ZMAT1: variants seen among roughly 807,000 people sequenced by gnomAD.
ZMAT1 encodes the protein zinc finger matrin-type protein 1.
Under a neutral mutation model 18.5 loss-of-function variants are expected in ZMAT1, and 11 were observed. That is an observed-to-expected ratio of 0.59 (90% confidence interval 0.37 to 0.98). ZMAT1 has a LOEUF of 0.98. ZMAT1 is among the 50% of genes least tolerant of loss of function. ZMAT1 has a pLI of 0.01. For missense variants in ZMAT1, 525 were observed against 496.2 expected (o/e 1.06, Z -0.55); for synonymous variants, 211 against 176.4 (o/e 1.20, Z -1.55).
intron 4 of ZMAT1, among the ~76,000 whole-genome samples, chrX:101,897,544 T>C (rs1472046869): frequency 1.3e-5 from 1 of 78,918 alleles, no homozygotes; most frequent in Non-Finnish European, 2.5e-5. Flanking sequence ...AGTGTCTATC[T>C]AAAAAAAAAA....
intron 4 of ZMAT1, among the ~76,000 whole-genome samples, chrX:101,893,157 T>G (rs999544959): frequency 9.9e-5 from 11 of 111,458 alleles, no homozygotes; most frequent in African/African-American, 3.6e-4. Flanking sequence ...AGATGATAAT[T>G]TCACCAAAAT....
At chrX:101,922,447 G>T (rs1202708480) in intron 1 of ZMAT1, among the ~76,000 whole-genome samples, 1 of 108,368 alleles carries the variant, frequency 9.2e-6, no homozygotes, top group Non-Finnish European at 1.9e-5. Context: ...AGGCTGGAGT[G>T]CAGTGGTGTG....
chrX:101,883,594 A>G lies in ZMAT1; in HGVS notation c.2004T>C (p.Arg668=). ...SHDVPSEKEE[R]KHRKEKKKSV... ...ATTTCTTTTTCTCTTTCCTGTGCTT[A>G]CGTTCTTCTTTCTCGGAGGGTACAT... Residue 668 remains arginine, a synonymous_variant, in exon 6 of 6, where the codon CGT becomes CGC. Transcript: ENST00000651725. 2 of 1,200,122 alleles carry G rather than the reference A, an allele frequency of 1.7e-6. No individual in the cohort carries two copies. The highest frequency in any genetic ancestry group is 2.2e-6 in the Non-Finnish European group (2 of 891,057).
chrX:101,897,985 A>G lies in ZMAT1; in HGVS notation c.559T>C (p.Phe187Leu). ...NKFCDLCNMM[F>L]SSPLIAQSHY... is the part of the protein sequence containing the mutation. ...GACTGAGCAATAAGTGGAGAGCTAA[A>G]CATCATGTTGCAGAGATCACAAAAT... is the stretch of plus-strand genomic sequence containing the variant. Residue 187 changes from phenylalanine to leucine, a missense_variant, in exon 4 of 6, where the codon TTT becomes CTT. Coordinates refer to ENST00000651725, the MANE Select transcript of ZMAT1 (RefSeq NM_001394560.1). 5 of 1,211,698 alleles carry G rather than the reference A, an allele frequency of 4.1e-6. No homozygotes were observed. Among genetic ancestry groups the G allele is most frequent in the Non-Finnish European group, 5.6e-6 (5 of 895,469 alleles).
At chrX:101,893,003 T>C (rs930591934) in intron 4 of ZMAT1, among the ~76,000 whole-genome samples, 2 of 111,793 alleles carry the variant, frequency 1.8e-5, no homozygotes, top group Non-Finnish European at 3.8e-5. Flanking sequence ...TATTTTTTAA[T>C]GTTCAAATGT....
intron 1 of ZMAT1, among the ~76,000 whole-genome samples, chrX:101,906,583 C>G (rs764375264): frequency 8.9e-6 from 1 of 112,107 alleles, no homozygotes; most frequent in East Asian, 2.8e-4. Context: ...AGACCCAGGG[C>G]CCACCCAGGC....
chrX:101,925,293 T>C (rs1347293787), intron 1 of ZMAT1, among the ~76,000 whole-genome samples: 2 of 112,457 alleles, frequency 1.8e-5, no homozygotes, highest in African/African-American at 6.5e-5. Context: ...CATTTAAGTG[T>C]GGCTTCAGCA....
At position 101,929,462 on chromosome X, in the gene ZMAT1, C is replaced by G. The variant is rs997991188; in HGVS notation, c.292+2255G>C. Among the ~76,000 whole-genome samples the G allele has an allele frequency of 3.8e-3, 249 of 66,288 alleles. 2 individuals are homozygous for G. The highest frequency in any genetic ancestry group is 0.022 in the Middle Eastern group (3 of 136). 57.6% of individuals were successfully genotyped at this position (66,288 alleles called of 115,157 possible). A position where few individuals can be genotyped will look rare whatever the true frequency, so the allele number is the denominator to read the frequency against. Reference sequence around the variant, plus strand: ...ATATATATATATATATATATACACACAGAGAGAGAGAGAGAGAGAGAGAGA... The same window carrying G: ...ATATATATATATATATATATACACAGAGAGAGAGAGAGAGAGAGAGAGAGA... On this transcript the variant is annotated intron_variant, in intron 1 of 5. Coordinates refer to ENST00000651725, the MANE Select transcript of ZMAT1 (RefSeq NM_001394560.1).
At chrX:101,899,806 CTGGGTAGA>C (rs1451927110) in intron 2 of ZMAT1, among the ~76,000 whole-genome samples, 3 of 111,784 alleles carry the variant, frequency 2.7e-5, no homozygotes, top group Non-Finnish European at 5.6e-5. Context: ...TTCTTTTTCT[CTGGGTAGA>C]TAGCCAGTAG....
chrX:101,926,844 A>G (rs1453952828), intron 1 of ZMAT1, among the ~76,000 whole-genome samples: 2 of 112,400 alleles, frequency 1.8e-5, no homozygotes, highest in Non-Finnish European at 3.8e-5. Context: ...TATGGGAAAA[A>G]CTTGCTATTA....
chrX:101,897,318 A>C (rs1444705835), intron 4 of ZMAT1, among the ~76,000 whole-genome samples: 1 of 72,879 alleles, frequency 1.4e-5, no homozygotes, highest in Non-Finnish European at 2.4e-5. Context: ...GAAGGGGAAT[A>C]TCACACTCTG....
At chrX:101,931,367 A>T in intron 1 of ZMAT1, 1 of 690,590 alleles carries the variant, frequency 1.4e-6, no homozygotes, top group Non-Finnish European at 1.7e-6. Flanking sequence ...CTCTCTTCCA[A>T]ATCACACCTC....
chrX:101,883,812 G>A lies in ZMAT1; in HGVS notation c.1786C>T (p.Gln596Ter). The change falls in exon 6 of 6, where the codon CAG becomes TAG. Residue 596 changes from glutamine to a stop codon, truncating the protein, a stop_gained. Coordinates refer to ENST00000651725, the MANE Select transcript of ZMAT1 (RefSeq NM_001394560.1). LOFTEE classifies it high-confidence loss of function. ...TCTTCTAGGTGTCGTTTTCTCTTCT[G>A]ATGTTTCCGTTTATGACCTGCTTGA... Reference protein sequence around the residue: ...DHQAGHKRKHQKRKRHLEEGK... With the variant: ...DHQAGHKRKH 1 of 1,209,153 alleles carries A rather than the reference G, an allele frequency of 8.3e-7. No individual in the cohort carries two copies. Among genetic ancestry groups the A allele is most frequent in the Non-Finnish European group, 1.1e-6 (1 of 894,735 alleles).
chrX:101,894,606 C>T (rs1482854467), intron 4 of ZMAT1: 8 of 547,756 alleles, frequency 1.5e-5, no homozygotes, highest in Non-Finnish European at 1.8e-5. Context: ...AAATAGAAAT[C>T]GTGTTTGTAG....
In ZMAT1 at chrX:101,884,555, T is replaced by C. The variant is rs374675037; in HGVS notation, c.1043A>G (p.Glu348Gly). ...AAPYNISQAM[E>G]KQLPHSKKTY... ...CTTCTTTGAATGAGGTAACTGCTTT[T>C]CCATTGCTTGTGAAATATTGTATGG... The change falls in exon 6 of 6, where the codon GAA becomes GGA. Residue 348 changes from glutamate to glycine, a missense_variant. Transcript: ENST00000651725. 1.7e-4 allele frequency: 201 copies of C among 1,209,678 alleles called. No homozygotes were observed. The highest frequency in any genetic ancestry group is 2.1e-4 in the Non-Finnish European group (184 of 894,983).
At chrX:101,905,317 T>C (rs1928536348) in intron 1 of ZMAT1, among the ~76,000 whole-genome samples, 1 of 112,598 alleles carries the variant, frequency 8.9e-6, no homozygotes, top group South Asian at 3.6e-4. Context: ...TTTCTCACTG[T>C]AATAAATAAG....
At chrX:101,908,668 A>C (rs1477259885) in intron 1 of ZMAT1, among the ~76,000 whole-genome samples, 2 of 111,531 alleles carry the variant, frequency 1.8e-5, no homozygotes, top group Non-Finnish European at 3.8e-5. Flanking sequence ...GGAAAAGCAG[A>C]CCAAACTCAG....
At chrX:101,884,843 ATTG>A in intron 5 of ZMAT1, 22 bp from the exon 6 acceptor site, 6 of 891,468 alleles carry the variant, frequency 6.7e-6, no homozygotes, top group Non-Finnish European at 9.4e-6. Context: ...ACAGTAGAAA[ATTG>A]TTATTAGATT....
chrX:101,918,083 C>G (rs1020332920), intron 1 of ZMAT1, among the ~76,000 whole-genome samples: 2 of 111,154 alleles, frequency 1.8e-5, no homozygotes, highest in Non-Finnish European at 3.8e-5. Flanking sequence ...TTAATGGGCA[C>G]AAAATAAACA....
Sources: gnomAD v4.1 joint callset for allele counts (sites outside exome capture counted in the v4.1 genomes callset) on GRCh38, gnomAD v4.1.1 for gene constraint, MANE v1.5 for transcripts, NCBI Gene and HGNC (gene_info 2026-07-23, HGNC 2026-07-21) for gene names.